PTPRD: variants seen among roughly 807,000 people sequenced by gnomAD.
PTPRD encodes the protein receptor-type tyrosine-protein phosphatase delta.
Under a neutral mutation model 214.5 loss-of-function variants are expected in PTPRD, and 34 were observed. The observed-to-expected ratio is 0.16, with a 90% CI of 0.12 to 0.21. PTPRD has a LOEUF of 0.21. Ranked by LOEUF, PTPRD falls within the 10% of genes least tolerant of loss-of-function variation. The pLI is 1.00. For missense variants in PTPRD, 2,545 were observed against 2,398.7 expected (o/e 1.06, Z -1.27); for synonymous variants, 1,128 against 845.7 (o/e 1.33, Z -5.79).
In PTPRD at chr9:8,557,455, T is replaced by TATATATATATATACACACATACACATAC; in HGVS notation, c.353-28677_353-28676insGTATGTGTATGTGTGTATATATATATAT. 4.9e-4 allele frequency among the ~76,000 whole-genome samples: 66 copies of TATATATATATATACACACATACACATAC among 135,612 alleles called. 5 individuals are homozygous for TATATATATATATACACACATACACATAC. Among genetic ancestry groups the TATATATATATATACACACATACACATAC allele is most frequent in the African/African-American group, 2.3e-3 (65 of 28,780 alleles). 89.0% of individuals were successfully genotyped at this position (135,612 alleles called of 152,430 possible). On this transcript the variant is annotated intron_variant, in intron 14 of 45. Coordinates refer to ENST00000381196, the MANE Select transcript of PTPRD (RefSeq NM_002839.4). ...AAATACATATATATATATATATATA[T>TATATATATATATACACACATACACATAC]ATTTGGGCCGGGCGCGGTGGCTCAT...
At chr9:8,401,594 C>G (rs1226748622) in intron 36 of PTPRD, among the ~76,000 whole-genome samples, 4 of 152,070 alleles carry the variant, frequency 2.6e-5, no homozygotes, top group Non-Finnish European at 5.9e-5. Flanking sequence ...AAGATGTCAC[C>G]AAGTGTCACT....
intron 8 of PTPRD, among the ~76,000 whole-genome samples, chr9:9,521,495 A>G (rs535193858): frequency 1.3e-5 from 2 of 152,300 alleles, no homozygotes; most frequent in East Asian, 3.9e-4. Context: ...TGAAACTGGA[A>G]GAAACCTTAC....
At chr9:9,628,239 T>A (rs1460743475) in intron 7 of PTPRD, among the ~76,000 whole-genome samples, 1 of 152,168 alleles carries the variant, frequency 6.6e-6, no homozygotes, top group Non-Finnish European at 1.5e-5. Context: ...CCATAACACA[T>A]GTGTGATAAC....
intron 2 of PTPRD, among the ~76,000 whole-genome samples, chr9:10,497,403 T>C (rs2042384237): frequency 6.6e-6 from 1 of 152,040 alleles, no homozygotes; most frequent in Non-Finnish European, 1.5e-5. Flanking sequence ...TGCCTGTCTC[T>C]TCTAACCATG....
At chr9:10,062,906 T>C (rs963867695) in intron 3 of PTPRD, among the ~76,000 whole-genome samples, 4 of 152,062 alleles carry the variant, frequency 2.6e-5, no homozygotes, top group Non-Finnish European at 5.9e-5. Flanking sequence ...ATGAATTAGT[T>C]GAGACAACAT....
chr9:9,027,436 G>A (rs1381546487), intron 10 of PTPRD, among the ~76,000 whole-genome samples: 1 of 151,864 alleles, frequency 6.6e-6, no homozygotes, highest in Non-Finnish European at 1.5e-5. Flanking sequence ...TACTGATTGA[G>A]TTTAAGAATC....
intron 12 of PTPRD, among the ~76,000 whole-genome samples, chr9:8,658,153 C>A (rs951127476): frequency 1.3e-5 from 2 of 152,096 alleles, no homozygotes; most frequent in African/African-American, 2.4e-5. Flanking sequence ...AACATGTTGC[C>A]TAATTACAAT....
intron 5 of PTPRD, among the ~76,000 whole-genome samples, chr9:9,904,952 C>T (rs1282028409): frequency 6.6e-6 from 1 of 151,988 alleles, no homozygotes; most frequent in African/African-American, 2.4e-5. Context: ...CATTAAAGAA[C>T]AACATGCATA....
At chr9:9,078,983 C>T (rs905929823) in intron 10 of PTPRD, among the ~76,000 whole-genome samples, 1 of 152,000 alleles carries the variant, frequency 6.6e-6, no homozygotes, top group Non-Finnish European at 1.5e-5. Flanking sequence ...TGTTTCAATA[C>T]TCATGATGTA....
At chr9:8,318,449 TTA>T (rs1823729170) in intron 45 of PTPRD, among the ~76,000 whole-genome samples, 1 of 136,040 alleles carries the variant, frequency 7.4e-6, no homozygotes, top group Admixed American at 6.9e-5. Context: ...TTTTAAAAAA[TTA>T]TGTTTGGACA....
chr9:9,381,244 C>T lies in PTPRD; in HGVS notation c.-203+16205G>A, dbSNP rs188193565. On this transcript the variant is annotated intron_variant, in intron 9 of 45. Coordinates refer to ENST00000381196, the MANE Select transcript of PTPRD (RefSeq NM_002839.4). ...AATTTGTTACTATTTTTTTCTATTT[C>T]TTGTCCAAGTTCTTTGTTCTCATTT... Among the ~76,000 whole-genome samples, 28 of 151,714 alleles carry T rather than the reference C, an allele frequency of 1.8e-4. No homozygotes were observed. In the East Asian group the frequency reaches 5.4e-3, roughly 29 times the overall value.
chr9:10,592,074 G>A (rs2075593307), intron 2 of PTPRD, among the ~76,000 whole-genome samples: 1 of 152,044 alleles, frequency 6.6e-6, no homozygotes. Context: ...ATAACAGAAG[G>A]CCTAACCTAG....
chr9:10,586,919 C>T (rs1450297768), intron 2 of PTPRD, among the ~76,000 whole-genome samples: 1 of 151,752 alleles, frequency 6.6e-6, no homozygotes, highest in Non-Finnish European at 1.5e-5. Flanking sequence ...TTTTGCTTAT[C>T]ATTTTGCATT....
intron 14 of PTPRD, among the ~76,000 whole-genome samples, chr9:8,541,277 TG>T (rs1260293366): frequency 9.4e-4 from 143 of 152,296 alleles, no homozygotes; most frequent in Admixed American, 2.6e-3. Flanking sequence ...TCACCCAGGC[TG>T]GACTGCAATG....
At chr9:9,407,844 A>G (rs1420714631) in intron 8 of PTPRD, among the ~76,000 whole-genome samples, 4 of 151,870 alleles carry the variant, frequency 2.6e-5, no homozygotes, top group African/African-American at 9.7e-5. Context: ...TATTTATGAT[A>G]AAAGAACTTT....
intron 2 of PTPRD, among the ~76,000 whole-genome samples, chr9:10,482,856 A>G (rs2099109496): frequency 6.6e-6 from 1 of 152,240 alleles, no homozygotes; most frequent in Non-Finnish European, 1.5e-5. Context: ...AAATGACCAC[A>G]CTTCCAAAAG....
At chr9:9,817,609 A>G (rs116694966) in intron 5 of PTPRD, among the ~76,000 whole-genome samples, 2,873 of 152,260 alleles carry the variant, frequency 0.019, 87 homozygotes, top group African/African-American at 0.066. Flanking sequence ...TACTGATGAC[A>G]GTTAATTTTG....
chr9:8,772,009 A>G (rs141463573), intron 11 of PTPRD, among the ~76,000 whole-genome samples: 28 of 152,142 alleles, frequency 1.8e-4, no homozygotes, highest in African/African-American at 6.7e-4. Flanking sequence ...TGGATACCCC[A>G]CCTACCCTGA....
chr9:8,527,532 C>CA (rs2074512913), intron 15 of PTPRD, among the ~76,000 whole-genome samples, 179 bp from the exon 16 acceptor site: 1 of 151,916 alleles, frequency 6.6e-6, no homozygotes, highest in Non-Finnish European at 1.5e-5. Context: ...CTGCTGACAA[C>CA]AAGCAAAAGA....
Sources: gnomAD v4.1 joint callset for allele counts (sites outside exome capture counted in the v4.1 genomes callset) on GRCh38, gnomAD v4.1.1 for gene constraint, MANE v1.5 for transcripts, NCBI Gene and HGNC (gene_info 2026-07-23, HGNC 2026-07-21) for gene names.